The following SLCO4A1 variants were observed in gnomAD, a reference collection of about 807,000 sequenced individuals.
The protein encoded by SLCO4A1 is colon organic anion transporter.
SLCO4A1 carries 51 observed loss-of-function variants against 64.6 expected under a neutral mutation model. The ratio of observed to expected loss-of-function variants is 0.79; its 90% CI spans 0.63 to 1.00. The LOEUF (loss-of-function observed/expected upper bound fraction) is 1.00. Ranked by LOEUF, SLCO4A1 falls within the 50% of genes least tolerant of loss-of-function variation. The pLI is 0.00. For synonymous variants in SLCO4A1, 471 were observed against 444.9 expected, an observed-to-expected ratio of 1.06 and a Z score of -0.74; for missense variants, 919 against 980.5, an observed-to-expected ratio of 0.94 and a Z score of 0.84.
At chr20:62,687,800 C>T (rs1049253830), downstream of SLCO4A1, among the ~76,000 whole-genome samples, 2 of 152,174 alleles carry the variant, frequency 1.3e-5, no homozygotes, top group South Asian at 4.1e-4. Context: ...CACTAGGCTG[C>T]CAGCCTAGCA....
rs1005301446 is a variant in SLCO4A1 at position 62,645,092 on chromosome 20, G to C, written c.-97+2539G>C. Among the ~76,000 whole-genome samples, 1 of 152,210 alleles carries C rather than the reference G, an allele frequency of 6.6e-6. No homozygotes were observed. Among genetic ancestry groups the C allele is most frequent in the East Asian group, 1.9e-4 (1 of 5,194 alleles). On this transcript the variant is annotated intron_variant, in intron 1 of 11. Coordinates refer to ENST00000217159, the MANE Select transcript of SLCO4A1 (RefSeq NM_016354.4). This position sits in a 1 kb window ranked among gnomAD's most constrained non-coding sequence, Gnocchi z 4.2. The stretch of plus-strand genomic sequence containing the variant: ...AGACCTTGCTGTTGCCTTCGTTCTG[G>C]GACATGGACCACTGTCTGGCCCCCC...
Position 62,644,570 on chromosome 20 carries a change from T to C in SLCO4A1, c.-97+2017T>C, listed in dbSNP as rs1483012017. Among the ~76,000 whole-genome samples the C allele has an allele frequency of 6.6e-6, 1 of 152,254 alleles. No homozygotes were observed. Among genetic ancestry groups the C allele is most frequent in the Non-Finnish European group, 1.5e-5 (1 of 68,040 alleles). On this transcript the variant is annotated intron_variant, in intron 1 of 11. Coordinates refer to ENST00000217159, the MANE Select transcript of SLCO4A1 (RefSeq NM_016354.4). This position sits in a 1 kb window ranked among gnomAD's most constrained non-coding sequence, Gnocchi z 5.4. Reference sequence around the variant, plus strand: ...TCTCCTCGGGGCTCTGATGGGCCCCTTGGCTTGACCAAGCCCCATTGCAGT... The same window carrying C: ...TCTCCTCGGGGCTCTGATGGGCCCCCTGGCTTGACCAAGCCCCATTGCAGT...
chr20:62,676,152 C>T (rs531990372), downstream of SLCO4A1, among the ~76,000 whole-genome samples: 30 of 152,296 alleles, frequency 2.0e-4, no homozygotes, highest in East Asian at 2.9e-3. Flanking sequence ...CGCCAGCGCA[C>T]GCCTATAATC....
downstream of SLCO4A1, among the ~76,000 whole-genome samples, chr20:62,687,912 AC>A (rs1388840669): frequency 1.3e-5 from 2 of 150,672 alleles, no homozygotes; most frequent in Non-Finnish European, 3.0e-5. Context: ...ATCCCCACTC[AC>A]CTCCCGGCCA....
At chr20:62,665,816 CACCTGTCCCCCCAA>C (rs1321422542) in intron 6 of SLCO4A1, 1 of 152,184 alleles carries the variant, frequency 6.6e-6, no homozygotes, top group African/African-American at 2.4e-5. Flanking sequence ...GTCCCCTCCC[CACCTGTCCCCCCAA>C]ACCTGTCCCC....
At chr20:62,690,430 C>T (rs1191653211), downstream of SLCO4A1, among the ~76,000 whole-genome samples, 1 of 152,318 alleles carries the variant, frequency 6.6e-6, no homozygotes, top group Middle Eastern at 3.4e-3. Context: ...ATCCCAGCCA[C>T]AGAACAGGAG....
chr20:62,653,540 T>C (rs1983019946), intron 1 of SLCO4A1, among the ~76,000 whole-genome samples: 1 of 152,210 alleles, frequency 6.6e-6, no homozygotes. Flanking sequence ...TGGTTCTCAC[T>C]GAGGCCCCTG....
chr20:62,677,556 A>G (rs190935504), intron 2 of SLCO4A1, among the ~76,000 whole-genome samples: 1 of 152,218 alleles, frequency 6.6e-6, no homozygotes, highest in African/African-American at 2.4e-5. Context: ...CCTACACTCC[A>G]ACCCCACTGA....
At chr20:62,669,522 G>A (rs1986944598) in intron 11 of SLCO4A1, among the ~76,000 whole-genome samples, 1 of 152,226 alleles carries the variant, frequency 6.6e-6, no homozygotes, top group Non-Finnish European at 1.5e-5. Flanking sequence ...TGATCAGTGC[G>A]CCTTGGATTC....
chr20:62,654,694 G>T (rs1983316150), intron 1 of SLCO4A1, among the ~76,000 whole-genome samples: 1 of 152,130 alleles, frequency 6.6e-6, no homozygotes, highest in African/African-American at 2.4e-5. Context: ...TGTTTCGTGG[G>T]CTGAATAAGC....
intron 5 of SLCO4A1, among the ~76,000 whole-genome samples, chr20:62,664,185 G>A (rs1288160649): frequency 2.0e-5 from 3 of 152,050 alleles, no homozygotes; most frequent in South Asian, 2.1e-4. Flanking sequence ...AGGGCCAGAC[G>A]GCTCAGAGTT....
Position 62,657,015 on chromosome 20 carries a change from C to A in SLCO4A1, c.561C>A (p.Phe187Leu). ...VLLMGTGSLV[F>L]ALPHFTAGRY... Reference sequence around the variant, plus strand: ...TTATGGGCACGGGGTCGCTGGTGTTCGCGCTGCCCCACTTCACGGCTGGCC... The same window carrying A: ...TTATGGGCACGGGGTCGCTGGTGTTAGCGCTGCCCCACTTCACGGCTGGCC... Residue 187 changes from phenylalanine to leucine, a missense_variant, in exon 2 of 12, where the codon TTC becomes TTA. By Grantham distance (22) the Phe-to-Leu change is conservative (BLOSUM62 0). Transcript: ENST00000217159. 2 of 1,581,404 alleles carry A rather than the reference C, an allele frequency of 1.3e-6. No individual in the cohort carries two copies. Among genetic ancestry groups the A allele is most frequent in the South Asian group, 1.1e-5 (1 of 88,588 alleles).
At chr20:62,667,946 C>T (rs769964805) in intron 8 of SLCO4A1, 36 bp downstream of exon 8, 5 of 1,614,018 alleles carry the variant, frequency 3.1e-6, no homozygotes, top group South Asian at 1.1e-5. Context: ...CCTGTCCTCC[C>T]CTGGACCCTG....
At position 62,656,496 on chromosome 20, in the gene SLCO4A1, C is replaced by T. The variant is rs771930755; in HGVS notation, c.42C>T (p.Pro14=). 2.6e-6 allele frequency: 4 copies of T among 1,538,518 alleles called. No homozygotes were observed. In the Admixed American group the frequency reaches 5.5e-5, roughly 21 times the overall value. The change falls in exon 2 of 12, where the codon CCC becomes CCT. Residue 14 remains proline, a synonymous_variant. Transcript: ENST00000217159. Reference sequence around the variant, plus strand: ...TGGGGGACAAGCCGCTCACCTTCCCCAGCCCCAACTCAGCCATGGAAAACG... The same window carrying T: ...TGGGGGACAAGCCGCTCACCTTCCCTAGCCCCAACTCAGCCATGGAAAACG... ...HQLGDKPLTF[P]SPNSAMENGL...
In SLCO4A1 at chr20:62,666,470, A is replaced by G; in HGVS notation, c.1367A>G (p.Lys456Arg). 1.9e-6 allele frequency: 3 copies of G among 1,613,466 alleles called. No homozygotes were observed. Among genetic ancestry groups the G allele is most frequent in the Non-Finnish European group, 2.5e-6 (3 of 1,179,984 alleles). Residue 456 changes from lysine to arginine, a missense_variant, in exon 7 of 12, where the codon AAG becomes AGG. Physicochemically the swap from Lys to Arg is conservative, Grantham distance 26 (BLOSUM62 2). Transcript: ENST00000217159. ...KLRLRGSAVI[K>R]FCLFCTVVSL... ...AGGCTCCGGGGCTCCGCGGTCATCA[A>G]GTTCTGCCTGTTCTGCACCGTTGTC...
At position 62,656,791 on chromosome 20, in the gene SLCO4A1, G is replaced by A. The variant is rs376182840; in HGVS notation, c.337G>A (p.Ala113Thr). 1.7e-5 allele frequency: 28 copies of A among 1,612,756 alleles called. No homozygotes were observed. The highest frequency in any genetic ancestry group is 1.9e-5 in the Non-Finnish European group (23 of 1,179,930). The change falls in exon 2 of 12, where the codon GCA becomes ACA. Residue 113 changes from alanine (A) to threonine (T), a missense_variant. Ala to Thr is a moderately conservative substitution (Grantham distance 58, BLOSUM62 0). Transcript: ENST00000217159. ...CATCCTGTTCTTCCTGTGTGCGGCC[G>A]CATTCCTGCAGGGGATGACTGTGAA... Reference protein sequence around the residue: ...KGILFFLCAAAFLQGMTVNGF... With the variant: ...KGILFFLCAATFLQGMTVNGF...
chr20:62,688,199 G>A (rs563156067), downstream of SLCO4A1, among the ~76,000 whole-genome samples: 9 of 152,302 alleles, frequency 5.9e-5, no homozygotes, highest in South Asian at 2.1e-4. Flanking sequence ...GAAGCTGGGC[G>A]TCCACTGAGC....
intron 2 of SLCO4A1, among the ~76,000 whole-genome samples, chr20:62,677,630 A>G (rs1470460966): frequency 6.6e-6 from 1 of 152,250 alleles, no homozygotes; most frequent in Non-Finnish European, 1.5e-5. Context: ...ACTGAGGCAG[A>G]TATTTTCCAA....
At chr20:62,667,103 G>A (rs954185896) in intron 7 of SLCO4A1, among the ~76,000 whole-genome samples, 1 of 152,248 alleles carries the variant, frequency 6.6e-6, no homozygotes, top group Non-Finnish European at 1.5e-5. Context: ...AGCCGTTGTG[G>A]CATTATCGGA....
Sources: allele counts gnomAD v4.1 joint callset (sites outside exome capture counted in the v4.1 genomes callset), GRCh38; gene constraint gnomAD v4.1.1; non-coding constraint Gnocchi (gnomAD v3.1); transcripts MANE v1.5; gene names NCBI Gene and HGNC (gene_info 2026-07-23, HGNC 2026-07-21).